CLEC9A: variants seen among roughly 807,000 people sequenced by gnomAD.
CLEC9A encodes the protein C-type lectin domain containing 9A.
A neutral mutation model predicts 30.0 loss-of-function variants in CLEC9A; 24 were observed. The observed-to-expected ratio is 0.80, with a 90% CI of 0.58 to 1.13. The LOEUF is 1.13. CLEC9A is among the 50% of genes most tolerant of loss of function. The pLI, the probability that CLEC9A is intolerant of heterozygous loss-of-function variation, is 0.00. For synonymous variants in CLEC9A, 111 were observed against 96.8 expected (o/e 1.15, Z -0.86); for missense variants, 251 against 280.9 (o/e 0.89, Z 0.76).
Position 10,063,169 on chromosome 12 carries a change from G to A in CLEC9A, c.434G>A (p.Gly145Asp), listed in dbSNP as rs1866012149. The change falls in exon 7 of 9, where the codon GGT (glycine) becomes GAT (aspartate). Residue 145 changes from glycine to aspartate, a missense_variant. Transcript: ENST00000355819. The part of the protein sequence containing the change: ...HTSQENCLKE[G>D]STLLQIESKE... ...AGTCAAGAGAATTGTTTAAAGGAAG[G>A]TTCCACGCTGCTACAAATAGAGAGC... The A allele has an allele frequency of 1.2e-6, 2 of 1,610,326 alleles. No individual in the cohort carries two copies. Among genetic ancestry groups the A allele is most frequent in the South Asian group, 2.2e-5 (2 of 90,444 alleles).
intron 2 of CLEC9A, chr12:10,043,082 GAAATACATTAAT>G (rs1865811721): frequency 5.3e-6 from 1 of 190,408 alleles, no homozygotes; most frequent in Non-Finnish European, 1.1e-5. Flanking sequence ...AATATCAAAT[GAAATACATTAAT>G]ATAGACATGT....
At chr12:10,051,301 C>G (rs1865891233) in intron 2 of CLEC9A, among the ~76,000 whole-genome samples, 1 of 152,082 alleles carries the variant, frequency 6.6e-6, no homozygotes, top group African/African-American at 2.4e-5. Flanking sequence ...CCAACCTGTG[C>G]TTTGAGAGGC....
At chr12:10,058,931 A>G (rs1370344085) in intron 5 of CLEC9A, among the ~76,000 whole-genome samples, 1 of 152,130 alleles carries the variant, frequency 6.6e-6, no homozygotes, top group East Asian at 1.9e-4. Flanking sequence ...AGATTTGCCC[A>G]TTTGTTCTCC....
At chr12:10,033,936 A>G (rs1865722990) in intron 1 of CLEC9A, among the ~76,000 whole-genome samples, 1 of 152,256 alleles carries the variant, frequency 6.6e-6, no homozygotes, top group Non-Finnish European at 1.5e-5. Context: ...GCATAAGGGA[A>G]ACAAAAATAA....
intron 5 of CLEC9A, among the ~76,000 whole-genome samples, chr12:10,055,914 C>T (rs1865938386): frequency 6.6e-6 from 1 of 151,422 alleles, no homozygotes; most frequent in African/African-American, 2.4e-5. Context: ...AAAAAATTAG[C>T]CGGGAGTGGT....
chr12:10,047,823 T>C (rs908569654), intron 2 of CLEC9A, among the ~76,000 whole-genome samples: 1 of 152,228 alleles, frequency 6.6e-6, no homozygotes, highest in African/African-American at 2.4e-5. Context: ...GAGTCTTTAA[T>C]GAGTGGAAAC....
intron 1 of CLEC9A, among the ~76,000 whole-genome samples, chr12:10,040,536 C>G (rs956558100): frequency 1.3e-5 from 2 of 151,510 alleles, no homozygotes; most frequent in African/African-American, 2.4e-5. Context: ...CTGTAAGTTC[C>G]GCCTCCCAGG....
chr12:10,061,031 A>G (rs938060281), intron 5 of CLEC9A, 96 bp from the exon 6 acceptor site: 3 of 1,376,964 alleles, frequency 2.2e-6, no homozygotes, highest in Non-Finnish European at 2.9e-6. Flanking sequence ...AGTCTCAAAA[A>G]TAATAGTAAT....
At chr12:10,052,431 G>T in intron 3 of CLEC9A, 199 bp from the exon 4 acceptor site, 1 of 1,024,122 alleles carries the variant, frequency 9.8e-7, no homozygotes, top group Non-Finnish European at 1.2e-6. Context: ...ATAAAAAAAT[G>T]TTCTATCATT....
rs370985802 is a variant in CLEC9A at position 10,064,105 on chromosome 12, C to A, written c.472-627C>A. Among the ~76,000 whole-genome samples, 490 of 152,190 alleles carry A rather than the reference C, an allele frequency of 3.2e-3. 2 individuals carry two copies. The highest frequency in any genetic ancestry group is 0.011 in the African/African-American group (470 of 41,526). On this transcript the variant is annotated intron_variant, in intron 7 of 8. Coordinates refer to ENST00000355819, the MANE Select transcript of CLEC9A (RefSeq NM_207345.4). Reference sequence around the variant, plus strand: ...ATATATGAAATAGAATGCAAAATTGCACATTTTTGGCCCTATAAAAAATGT... The same window carrying A: ...ATATATGAAATAGAATGCAAAATTGAACATTTTTGGCCCTATAAAAAATGT...
At chr12:10,051,130 A>G (rs1241923426) in intron 2 of CLEC9A, among the ~76,000 whole-genome samples, 3 of 151,960 alleles carry the variant, frequency 2.0e-5, no homozygotes, top group Non-Finnish European at 2.9e-5. Context: ...GCTCGAACCC[A>G]GGAGGCAGAG....
At position 10,063,173 on chromosome 12, in the gene CLEC9A, C is replaced by T. The variant is rs1404440957; in HGVS notation, c.438C>T (p.Ser146=). ...AAGAGAATTGTTTAAAGGAAGGTTC[C>T]ACGCTGCTACAAATAGAGAGCAAAG... ...TSQENCLKEG[S]TLLQIESKEE... Residue 146 remains serine, a synonymous_variant, in exon 7 of 9, where the codon TCC becomes TCT. Transcript: ENST00000355819. The T allele has an allele frequency of 3.1e-6, 5 of 1,609,790 alleles. No homozygotes were observed. In the East Asian group the frequency reaches 9.0e-5, roughly 29 times the overall value.
At chr12:10,040,620 T>C (rs1170647059) in intron 1 of CLEC9A, among the ~76,000 whole-genome samples, 1 of 151,706 alleles carries the variant, frequency 6.6e-6, no homozygotes, top group Non-Finnish European at 1.5e-5. Flanking sequence ...CCGGCTAATT[T>C]TTTGTATTTT....
chr12:10,050,037 C>A (rs1005298854), intron 2 of CLEC9A, among the ~76,000 whole-genome samples: 2 of 152,108 alleles, frequency 1.3e-5, no homozygotes, highest in Non-Finnish European at 1.5e-5. Flanking sequence ...TATTAATTGA[C>A]CTATTTTTAA....
chr12:10,039,015 T>C (rs929512738), intron 1 of CLEC9A, among the ~76,000 whole-genome samples: 1 of 152,258 alleles, frequency 6.6e-6, no homozygotes, highest in African/African-American at 2.4e-5. Context: ...AAGCTCTTTC[T>C]ATTACTTGGA....
chr12:10,054,170 C>G (rs1448547998), intron 4 of CLEC9A, 101 bp from the exon 5 acceptor site: 2 of 923,962 alleles, frequency 2.2e-6, no homozygotes, highest in Non-Finnish European at 3.4e-6. Context: ...GTAGAAATGC[C>G]AATGTTAATT....
intron 2 of CLEC9A, among the ~76,000 whole-genome samples, chr12:10,045,976 G>T (rs956037985): frequency 2.6e-5 from 4 of 152,092 alleles, no homozygotes; most frequent in African/African-American, 9.7e-5. Context: ...ATTAAGTTGG[G>T]CAAAATATCG....
At chr12:10,044,782 C>T (rs1027914586) in intron 2 of CLEC9A, among the ~76,000 whole-genome samples, 1 of 152,172 alleles carries the variant, frequency 6.6e-6, no homozygotes, top group Admixed American at 6.5e-5. Flanking sequence ...TGGCATCACC[C>T]CACTGAAATG....
intron 1 of CLEC9A, among the ~76,000 whole-genome samples, chr12:10,033,694 A>T (rs1239836491): frequency 1.3e-5 from 2 of 152,236 alleles, no homozygotes; most frequent in Non-Finnish European, 2.9e-5. Context: ...AGTATTGTTG[A>T]TTGAGAATAC....
Sources: allele counts gnomAD v4.1 joint callset (sites outside exome capture counted in the v4.1 genomes callset), GRCh38; gene constraint gnomAD v4.1.1; transcripts MANE v1.5; gene names NCBI Gene and HGNC (gene_info 2026-07-23, HGNC 2026-07-21).